F2RL2: variants seen among roughly 807,000 people sequenced by gnomAD.
F2RL2 encodes the protein proteinase-activated receptor 3.
F2RL2 carries 4 observed loss-of-function variants against 4.3 expected under a neutral mutation model. The observed-to-expected ratio is 0.93, with a 90% CI of 0.46 to 2.12. F2RL2 has a LOEUF of 2.12. Among genes scored for constraint, F2RL2 ranks in the 30% most tolerant of loss-of-function variants. The probability of loss-of-function intolerance (pLI) is 0.02; values close to 1 mark genes in which losing one functional copy is unlikely to be tolerated. For missense variants in F2RL2, 408 were observed against 449.3 expected (o/e 0.91, Z 0.83); for synonymous variants, 166 against 170.9 (o/e 0.97, Z 0.22).
chr5:76,622,778 C>A (rs1749829857), intron 1 of F2RL2, among the ~76,000 whole-genome samples: 2 of 152,086 alleles, frequency 1.3e-5, no homozygotes, highest in Non-Finnish European at 2.9e-5. Context: ...CTTGTTTCTC[C>A]CATTTATGTC....
Position 76,618,569 on chromosome 5 carries a change from A to G in F2RL2, c.138T>C (p.Asn46=). The change falls in exon 2 of 2, where the codon AAT becomes AAC. Residue 46 remains asparagine (N), a synonymous_variant. Coordinates refer to ENST00000296641, the MANE Select transcript of F2RL2 (RefSeq NM_004101.4). ...CAGAAAAGGGGAACTCTTCAAAAGAATTTGGGGGAGCTCCACGAAAGGTCT... is the reference window on the plus strand; with the variant it reads ...CAGAAAAGGGGAACTCTTCAAAAGAGTTTGGGGGAGCTCCACGAAAGGTCT... The part of the protein sequence containing the change: ...PIKTFRGAPP[N]SFEEFPFSAL... 1.2e-6 allele frequency: 2 copies of G among 1,614,118 alleles called. No homozygotes were observed. The highest frequency in any genetic ancestry group is 1.7e-6 in the Non-Finnish European group (2 of 1,180,032).
At chr5:76,621,477 A>T (rs2069658) in intron 1 of F2RL2, among the ~76,000 whole-genome samples, 102,721 of 152,110 alleles carry the variant, frequency 0.68, 35,875 homozygotes, top group Non-Finnish European at 0.78. Context: ...TGCATCTGAC[A>T]TCACCCAAAG....
chr5:76,619,383 A>T (rs554443871), intron 1 of F2RL2, among the ~76,000 whole-genome samples: 1 of 152,332 alleles, frequency 6.6e-6, no homozygotes, highest in East Asian at 1.9e-4. Flanking sequence ...TTTTGAACAG[A>T]GGAATGACCA....
intron 1 of F2RL2, among the ~76,000 whole-genome samples, chr5:76,619,743 C>A (rs1005108269): frequency 3.9e-5 from 6 of 152,082 alleles, no homozygotes; most frequent in Non-Finnish European, 7.4e-5. Context: ...TGGTCTCGAT[C>A]TCCTGACCTC....
Position 76,617,485 on chromosome 5 carries a change from A to G in F2RL2, c.*97T>C, listed in dbSNP as rs1009674089. 7 of 881,636 alleles carry G rather than the reference A, an allele frequency of 7.9e-6. No individual in the cohort carries two copies. The highest frequency in any genetic ancestry group is 2.5e-5 in the East Asian group (1 of 39,854). The allele number at this position is 881,636 out of a possible 1,614,324, so 54.6% of individuals were successfully genotyped here. ...GTTTGACCTTTGAAGCATATTTCTTAGGAGCTCGGAAATGGAGCTCCTTGC... is the reference window on the plus strand; with the variant it reads ...GTTTGACCTTTGAAGCATATTTCTTGGGAGCTCGGAAATGGAGCTCCTTGC... On this transcript the variant is annotated 3_prime_UTR_variant, in exon 2 of 2. Transcript: ENST00000296641.
At chr5:76,618,948 G>T (rs1749309643) in intron 1 of F2RL2, among the ~76,000 whole-genome samples, 3 of 152,292 alleles carry the variant, frequency 2.0e-5, no homozygotes, top group African/African-American at 7.2e-5. Flanking sequence ...AAACTATACA[G>T]GCATTCAGAC....
intron 1 of F2RL2, among the ~76,000 whole-genome samples, chr5:76,622,151 T>C (rs1430569148): frequency 6.6e-6 from 1 of 152,062 alleles, no homozygotes. Context: ...ATTCACTGCC[T>C]CTTTGTTTCC....
rs1561518620 is a variant in F2RL2 at position 76,619,514 on chromosome 5, C to CCTTT, written c.65-873_65-872insAAAG. On this transcript the variant is annotated intron_variant, in intron 1 of 1. Transcript: ENST00000296641. ...CAGATCTAACTTAGTTAAGGATCTT[C>CCTTT]TTTTTTTTTTTTTTTTTTTTTTGAG... 1.2e-4 allele frequency among the ~76,000 whole-genome samples: 13 copies of CCTTT among 104,262 alleles called. 1 individual carries two copies. Among genetic ancestry groups the CCTTT allele is most frequent in the Non-Finnish European group, 7.6e-5 (4 of 52,744 alleles). The allele number at this position is 104,262 out of a possible 152,430, so 68.4% of individuals were successfully genotyped here. A position where few individuals can be genotyped will look rare whatever the true frequency, so the allele number is the denominator to read the frequency against.
rs1182583267 is a variant in F2RL2 at position 76,623,244 on chromosome 5, G to C, written c.-14C>G. 6.2e-7 allele frequency: 1 copy of C among 1,614,010 alleles called. No homozygotes were observed. The highest frequency in any genetic ancestry group is 1.1e-5 in the South Asian group (1 of 91,086). ...GAGGGCTTTCATTTTGATGACCTGA[G>C]TCCCGTCTCTTAAACGTTATGAAAT... is the stretch of plus-strand genomic sequence containing the variant. On this transcript the variant is annotated 5_prime_UTR_variant, in exon 1 of 2. Transcript: ENST00000296641.
rs1250177973 is a variant in F2RL2 at position 76,618,084 on chromosome 5, G to A, written c.623C>T (p.Thr208Ile). The A allele has an allele frequency of 1.2e-6, 2 of 1,614,176 alleles. No individual in the cohort carries two copies. Among genetic ancestry groups the A allele is most frequent in the African/African-American group, 1.3e-5 (1 of 75,056 alleles). The change falls in exon 2 of 2, where the codon ACC becomes ATC. Residue 208 changes from threonine to isoleucine, a missense_variant. By Grantham distance (89) the Thr-to-Ile change is moderately conservative. Coordinates refer to ENST00000296641, the MANE Select transcript of F2RL2 (RefSeq NM_004101.4). ...PFTYRGLPKH[T>I]YALVTCGLVW... Reference sequence around the variant, plus strand: ...CAGTCCACATGTTACCAAGGCATAGGTGTGCTTGGGCAGGCCCCGGTAGGT... The same window carrying A: ...CAGTCCACATGTTACCAAGGCATAGATGTGCTTGGGCAGGCCCCGGTAGGT...
intron 1 of F2RL2, among the ~76,000 whole-genome samples, chr5:76,619,579 C>T (rs1011940610): frequency 3.4e-5 from 5 of 147,376 alleles, no homozygotes; most frequent in South Asian, 2.1e-4. Context: ...TGCAGTGGCA[C>T]GATCTCAGCT....
At position 76,615,902 on chromosome 5, in the gene F2RL2, A is replaced by G. The variant is rs565699692; in HGVS notation, c.*1680T>C. 1 of 152,750 alleles carries G rather than the reference A, an allele frequency of 6.5e-6. No homozygotes were observed. The highest frequency in any genetic ancestry group is 6.5e-5 in the Admixed American group (1 of 15,302). 9.5% of individuals were successfully genotyped at this position (152,750 alleles called of 1,614,324 possible). A position where few individuals can be genotyped will look rare whatever the true frequency, so the allele number is the denominator to read the frequency against. On this transcript the variant is annotated 3_prime_UTR_variant, in exon 2 of 2. Coordinates refer to ENST00000296641, the MANE Select transcript of F2RL2 (RefSeq NM_004101.4). ...TACTTTTTTGTATGCCCAACCTGAAATGATGTCATCCCGTATCATCACAGT... is the reference window on the plus strand; with the variant it reads ...TACTTTTTTGTATGCCCAACCTGAAGTGATGTCATCCCGTATCATCACAGT...
intron 1 of F2RL2, among the ~76,000 whole-genome samples, chr5:76,620,008 A>G (rs572634333): frequency 6.6e-6 from 1 of 152,278 alleles, no homozygotes; most frequent in South Asian, 2.1e-4. Context: ...AGCTGAAAAA[A>G]GCAAGATAGC....
intron 1 of F2RL2, 134 bp downstream of exon 1, chr5:76,623,033 C>T: frequency 1.3e-6 from 1 of 788,972 alleles, no homozygotes; most frequent in Non-Finnish European, 2.2e-6. Context: ...ATGATTCTAC[C>T]TTTTAATAAT....
At chr5:76,620,380 T>G (rs771220673) in intron 1 of F2RL2, among the ~76,000 whole-genome samples, 1 of 152,044 alleles carries the variant, frequency 6.6e-6, no homozygotes, top group Admixed American at 6.6e-5. Flanking sequence ...TGATTGGCTT[T>G]GGGGTGCAGT....
chr5:76,618,927 A>G (rs2069681), intron 1 of F2RL2, among the ~76,000 whole-genome samples: 13,111 of 152,284 alleles, frequency 0.086, 1,038 homozygotes, highest in Admixed American at 0.2. Flanking sequence ...CATTATAGGC[A>G]TGTTGACTAC....
chr5:76,619,750 C>G (rs1749443170), intron 1 of F2RL2, among the ~76,000 whole-genome samples: 1 of 152,030 alleles, frequency 6.6e-6, no homozygotes, highest in South Asian at 2.1e-4. Flanking sequence ...GATCTCCTGA[C>G]CTCGTGATCT....
Position 76,617,766 on chromosome 5 carries a change from A to G in F2RL2, c.941T>C (p.Phe314Ser), listed in dbSNP as rs1749132757. 5.6e-6 allele frequency: 9 copies of G among 1,613,784 alleles called. No homozygotes were observed. In the East Asian group the frequency reaches 2.0e-4, roughly 36 times the overall value. The change falls in exon 2 of 2, where the codon TTT becomes TCT. Residue 314 changes from phenylalanine to serine, a missense_variant. By Grantham distance (155) the Phe-to-Ser change is radical. Coordinates refer to ENST00000296641, the MANE Select transcript of F2RL2 (RefSeq NM_004101.4). Reference sequence around the variant, plus strand: ...AATAAGAATAATATTGCTTGGAGCAAAGCAAATGGTAAAAATCACAAGGAT... The same window carrying G: ...AATAAGAATAATATTGCTTGGAGCAGAGCAAATGGTAAAAATCACAAGGAT... Reference protein sequence around the residue: ...LLILVIFTICFAPSNIILIIH... With the variant: ...LLILVIFTICSAPSNIILIIH...
rs1561517666 is a variant in F2RL2, at chr5:76,618,656, AAAGT to A, written c.65-18_65-15del. On this transcript the variant is annotated splice_polypyrimidine_tract_variant and intron_variant, in intron 1 of 1. Coordinates refer to ENST00000296641, the MANE Select transcript of F2RL2 (RefSeq NM_004101.4). ...CATTTTCCATGCCTGTAATTGAAAGAAAGTATTAACATAAATGTATAGTTCAAGA... is the reference window on the plus strand; with the variant it reads ...CATTTTCCATGCCTGTAATTGAAAGAATTAACATAAATGTATAGTTCAAGA... 3 of 1,588,798 alleles carry A rather than the reference AAAGT, an allele frequency of 1.9e-6. No individual in the cohort carries two copies. The Admixed American group carries it at 5.1e-5, about 27-fold the overall frequency.
Sources: gnomAD v4.1 joint callset for allele counts (sites outside exome capture counted in the v4.1 genomes callset) on GRCh38, gnomAD v4.1.1 for gene constraint, MANE v1.5 for transcripts, NCBI Gene and HGNC (gene_info 2026-07-23, HGNC 2026-07-21) for gene names.